TBX20: variants seen among roughly 807,000 people sequenced by gnomAD.
The protein encoded by TBX20 is T-box transcription factor 20.
A neutral mutation model predicts 42.9 loss-of-function variants in TBX20; 8 were observed. The observed-to-expected ratio is 0.19, with a 90% confidence interval of 0.11 to 0.34. The LOEUF is 0.34. Among genes scored for constraint, TBX20 ranks in the 10% least tolerant of loss-of-function variants. The pLI is 1.00. For missense variants in TBX20, 411 were observed against 566.0 expected (o/e 0.73, Z 2.78); for synonymous variants, 198 against 222.8 (o/e 0.89, Z 0.99).
chr7:35,205,037 CA>C (rs1158382933), intron 6 of TBX20, among the ~76,000 whole-genome samples: 2 of 152,058 alleles, frequency 1.3e-5, no homozygotes, highest in African/African-American at 2.4e-5. Flanking sequence ...GAAATGTTGG[CA>C]AAAAGTTCAA....
At position 35,231,535 on chromosome 7, in the gene TBX20, G is replaced by T. The variant is rs1332484439; in HGVS notation, c.859C>A (p.Arg287=). ...ATGTCAGTGAGCCTGGAGGAATCCC[G>T]GAATCCTTTGGCAAAAGGATTGCTA... ...IDSNPFAKGF[R]DSSRLTDIER... is the part of the protein sequence containing the mutation. The change falls in exon 6 of 8, where the codon CGG becomes AGG. Residue 287 remains arginine, a synonymous_variant. Transcript: ENST00000408931. 1 of 1,613,492 alleles carries T rather than the reference G, an allele frequency of 6.2e-7. No individual in the cohort carries two copies. The highest frequency in any genetic ancestry group is 8.5e-7 in the Non-Finnish European group (1 of 1,179,554).
In TBX20 at chr7:35,249,704, C is replaced by T. The variant is rs1357877791; in HGVS notation, c.380+247G>A. 6.6e-6 allele frequency among the ~76,000 whole-genome samples: 1 copy of T among 152,176 alleles called. No individual in the cohort carries two copies. The highest frequency in any genetic ancestry group is 6.5e-5 in the Admixed American group (1 of 15,282). ...CACACCCTTCGGGGTTAGTGTGTCT[C>T]CCTGGTCCCTGTGCCCTTCTCAACA... is the stretch of plus-strand genomic sequence containing the variant. On this transcript the variant is annotated intron_variant, in intron 2 of 7. Coordinates refer to ENST00000408931, the MANE Select transcript of TBX20 (RefSeq NM_001077653.2). This position sits in a 1 kb window ranked among gnomAD's most constrained non-coding sequence, Gnocchi z 4.3.
At chr7:35,218,665 T>C (rs58437978) in intron 6 of TBX20, among the ~76,000 whole-genome samples, 63,761 of 152,044 alleles carry the variant, frequency 0.42, 14,232 homozygotes, top group Middle Eastern at 0.54. Flanking sequence ...AATATTATAA[T>C]ATGTTGCTCT....
chr7:35,202,939 AG>A (rs1789331237), intron 7 of TBX20, among the ~76,000 whole-genome samples, 169 bp from the exon 8 acceptor site: 1 of 152,228 alleles, frequency 6.6e-6, no homozygotes, highest in Non-Finnish European at 1.5e-5. Flanking sequence ...TTTCTAGGTA[AG>A]AAGATGATAT....
At chr7:35,204,664 A>G in intron 6 of TBX20, 82 bp from the exon 7 acceptor site, 2 of 1,043,744 alleles carry the variant, frequency 1.9e-6, no homozygotes, top group East Asian at 2.5e-5. Context: ...TAACTCACTA[A>G]TCAGTAAAAC....
intron 6 of TBX20, 101 bp from the exon 7 acceptor site, chr7:35,204,683 C>T: frequency 1.2e-6 from 1 of 869,088 alleles, no homozygotes; most frequent in Non-Finnish European, 1.9e-6. Flanking sequence ...ACCATTTTCT[C>T]AGCCAAAAAG....
chr7:35,223,191 G>T (rs1789712632), intron 6 of TBX20, among the ~76,000 whole-genome samples: 1 of 152,214 alleles, frequency 6.6e-6, no homozygotes, highest in Non-Finnish European at 1.5e-5. Context: ...AGAACACTGG[G>T]AAGGATGCGG....
chr7:35,214,728 A>G (rs573615877), intron 6 of TBX20, among the ~76,000 whole-genome samples: 3 of 152,348 alleles, frequency 2.0e-5, no homozygotes, highest in African/African-American at 7.2e-5. Context: ...TAATAAAACA[A>G]CAACTATAAC....
At chr7:35,208,518 G>A (rs568316282) in intron 6 of TBX20, among the ~76,000 whole-genome samples, 101 of 152,030 alleles carry the variant, frequency 6.6e-4, no homozygotes, top group Middle Eastern at 6.8e-3. Context: ...TAAGGTGGGC[G>A]GATCACCTGA....
At chr7:35,238,751 G>A (rs1295430790) in intron 5 of TBX20, among the ~76,000 whole-genome samples, 1 of 152,154 alleles carries the variant, frequency 6.6e-6, no homozygotes, top group Non-Finnish European at 1.5e-5. Flanking sequence ...CTTTTAGTTT[G>A]GGCATTCTCT....
intron 4 of TBX20, among the ~76,000 whole-genome samples, chr7:35,244,422 C>CA (rs71975357): frequency 1.0e-3 from 155 of 150,980 alleles, no homozygotes; most frequent in East Asian, 2.5e-3. Flanking sequence ...TGAAACTCTC[C>CA]AAAAAAAAAT....
chr7:35,227,562 T>C (rs1238900790), intron 6 of TBX20, among the ~76,000 whole-genome samples: 2 of 152,182 alleles, frequency 1.3e-5, no homozygotes, highest in African/African-American at 2.4e-5. Context: ...GTACGGTTTA[T>C]AGTCTAGGAT....
intron 6 of TBX20, among the ~76,000 whole-genome samples, chr7:35,212,662 A>G (rs1229315254): frequency 1.3e-5 from 2 of 152,200 alleles, no homozygotes; most frequent in Non-Finnish European, 2.9e-5. Flanking sequence ...CTTCCTCACT[A>G]CTGAAGCAAA....
At chr7:35,229,252 G>C (rs1789828044) in intron 6 of TBX20, among the ~76,000 whole-genome samples, 1 of 152,038 alleles carries the variant, frequency 6.6e-6, no homozygotes, top group Non-Finnish European at 1.5e-5. Flanking sequence ...ATAAAGAAAA[G>C]CTCCCTATAT....
Position 35,245,105 on chromosome 7 carries a change from G to C in TBX20, c.546-48C>G, listed in dbSNP as rs1283231171. On this transcript the variant is annotated intron_variant, in intron 3 of 7. Coordinates refer to ENST00000408931, the MANE Select transcript of TBX20 (RefSeq NM_001077653.2). The stretch of plus-strand genomic sequence containing the variant: ...TTATTGAGACTTCTTTAAAAAGTCT[G>C]TCTCTGTAGGTTATAAAATGTTCTA... The C allele has an allele frequency of 6.9e-6, 9 of 1,304,122 alleles. No individual in the cohort carries two copies. The East Asian group carries it at 2.2e-4, about 31-fold the overall frequency. 80.8% of individuals were successfully genotyped at this position (1,304,122 alleles called of 1,614,324 possible).
chr7:35,239,728 T>G (rs550747085), intron 5 of TBX20, among the ~76,000 whole-genome samples: 1 of 152,130 alleles, frequency 6.6e-6, no homozygotes, highest in East Asian at 1.9e-4. Context: ...GATGAAGAAA[T>G]GCATTAATTT....
intron 5 of TBX20, among the ~76,000 whole-genome samples, chr7:35,234,487 T>C (rs1309028146): frequency 1.3e-5 from 2 of 152,358 alleles, no homozygotes; most frequent in East Asian, 3.9e-4. Context: ...AAATTCAACA[T>C]GAGTTTTCAA....
intron 5 of TBX20, among the ~76,000 whole-genome samples, chr7:35,238,840 CATG>C (rs1790017768): frequency 6.7e-6 from 1 of 149,032 alleles, no homozygotes; most frequent in Admixed American, 6.8e-5. Context: ...AGATGATCGG[CATG>C]ATAACAATTA....
Position 35,208,634 on chromosome 7 carries a change from C to T in TBX20, c.891-4052G>A, listed in dbSNP as rs538141115. 3.3e-5 allele frequency among the ~76,000 whole-genome samples: 5 copies of T among 151,670 alleles called. No homozygotes were observed. The South Asian group carries it at 6.2e-4, about 19-fold the overall frequency. On this transcript the variant is annotated intron_variant, in intron 6 of 7. Transcript: ENST00000408931. The stretch of plus-strand genomic sequence containing the variant: ...GCCCATGCCTGTAATCCCCGCTACT[C>T]GGGATGCTGAGGCAGGAGAATCACT...
Sources: gnomAD v4.1 joint callset for allele counts (sites outside exome capture counted in the v4.1 genomes callset) on GRCh38, gnomAD v4.1.1 for gene constraint, Gnocchi (gnomAD v3.1) non-coding constraint, MANE v1.5 for transcripts, NCBI Gene and HGNC (gene_info 2026-07-23, HGNC 2026-07-21) for gene names.